Variants in TXNDC11 observed in about 807,000 individuals in gnomAD.
TXNDC11 encodes thioredoxin domain-containing protein 11.
Under a neutral mutation model 78.0 loss-of-function variants are expected in TXNDC11, and 68 were observed. The observed-to-expected ratio is 0.87, with a 90% CI of 0.72 to 1.07. The LOEUF (loss-of-function observed/expected upper bound fraction) is 1.07, where lower values mean the gene tolerates loss of function less well. Among genes scored for constraint, TXNDC11 ranks in the 50% least tolerant of loss-of-function variants. The pLI, the probability that TXNDC11 is intolerant of heterozygous loss-of-function variation, is 0.00. For missense variants in TXNDC11, 1,389 were observed against 1,221.8 expected, an observed-to-expected ratio of 1.14 and a Z score of -2.04; for synonymous variants, 571 against 495.2, an observed-to-expected ratio of 1.15 and a Z score of -2.03.
At chr16:11,736,277 T>G (rs775235081) in intron 1 of TXNDC11, 44 bp from the exon 2 acceptor site, 13 of 1,437,866 alleles carry the variant, frequency 9.0e-6, no homozygotes, top group South Asian at 7.3e-5. Flanking sequence ...GTTTATCTTC[T>G]TCTAAAAATA....
intron 8 of TXNDC11, chr16:11,690,935 C>T (rs899220816): frequency 3.6e-6 from 1 of 274,416 alleles, no homozygotes; most frequent in South Asian, 4.4e-5. Context: ...GGACATCCCA[C>T]CAGAATAGCT....
intron 1 of TXNDC11, among the ~76,000 whole-genome samples, chr16:11,736,859 T>C (rs927156995): frequency 6.6e-6 from 1 of 152,100 alleles, no homozygotes; most frequent in African/African-American, 2.4e-5. Flanking sequence ...TTTTGAACAC[T>C]TGAGCTTCCC....
rs567767392 is a variant in TXNDC11 at position 11,721,525 on chromosome 16, T to G, written c.793+52A>C. The G allele has an allele frequency of 1.7e-5, 16 of 957,412 alleles. No homozygotes were observed. The South Asian group carries it at 1.8e-4, about 11-fold the overall frequency. The allele number at this position is 957,412 out of a possible 1,614,324, so 59.3% of individuals were successfully genotyped here. A position where few individuals can be genotyped will look rare whatever the true frequency, so the allele number is the denominator to read the frequency against. ...TTCATAATAACACATGGAAAAGATG[T>G]AAGTAACAATTCTACTGAAGTAACA... On this transcript the variant is annotated intron_variant, in intron 5 of 11. Coordinates refer to ENST00000283033, the MANE Select transcript of TXNDC11 (RefSeq NM_015914.7).
chr16:11,734,917 A>G (rs1401916559), intron 2 of TXNDC11, among the ~76,000 whole-genome samples: 1 of 152,178 alleles, frequency 6.6e-6, no homozygotes, highest in Non-Finnish European at 1.5e-5. Context: ...TACGTAGGGC[A>G]GGGGTGTTGG....
chr16:11,698,004 CAGCTGCCCCTCGTGGCAGCCATT>C, intron 7 of TXNDC11, 98 bp downstream of exon 7: 4 of 924,832 alleles, frequency 4.3e-6, no homozygotes, highest in East Asian at 2.4e-5. Flanking sequence ...CTCAGAGCCA[CAGCTGCCCCTCGTGGCAGCCATT>C]AGCTGCCAGA....
At chr16:11,701,312 T>C (rs1469678162) in intron 5 of TXNDC11, among the ~76,000 whole-genome samples, 1 of 151,882 alleles carries the variant, frequency 6.6e-6, no homozygotes, top group East Asian at 1.9e-4. Flanking sequence ...AATTTTTGTA[T>C]TTTTAGTAGA....
intron 4 of TXNDC11, among the ~76,000 whole-genome samples, chr16:11,726,770 G>T (rs1282764626): frequency 6.6e-6 from 1 of 151,922 alleles, no homozygotes; most frequent in South Asian, 2.1e-4. Flanking sequence ...AAAATTTTAC[G>T]TCAGCGGGGC....
chr16:11,730,555 G>A, intron 4 of TXNDC11, 90 bp downstream of exon 4: 1 of 1,363,526 alleles, frequency 7.3e-7, no homozygotes, highest in South Asian at 1.4e-5. Flanking sequence ...AATTCAGGAG[G>A]TATTTTTTTA....
chr16:11,718,194 T>C (rs992797878), intron 5 of TXNDC11, among the ~76,000 whole-genome samples: 4 of 152,180 alleles, frequency 2.6e-5, no homozygotes, highest in African/African-American at 4.8e-5. Context: ...TCGCAAATTA[T>C]TTATGCACTG....
chr16:11,710,853 G>C (rs1157407712), intron 5 of TXNDC11, among the ~76,000 whole-genome samples: 1 of 152,112 alleles, frequency 6.6e-6, no homozygotes, highest in African/African-American at 2.4e-5. Context: ...AATGACTTCA[G>C]GACTCATTGG....
intron 7 of TXNDC11, among the ~76,000 whole-genome samples, chr16:11,695,965 G>T (rs2050846979): frequency 6.6e-6 from 1 of 151,580 alleles, no homozygotes; most frequent in South Asian, 2.1e-4. Flanking sequence ...AGCTCAGGAG[G>T]CAGTGAGCCG....
chr16:11,727,791 C>T (rs1249749852), intron 4 of TXNDC11, among the ~76,000 whole-genome samples: 1 of 152,044 alleles, frequency 6.6e-6, no homozygotes, highest in Non-Finnish European at 1.5e-5. Flanking sequence ...TTTGAGAGCC[C>T]CATGATAAAA....
intron 5 of TXNDC11, among the ~76,000 whole-genome samples, chr16:11,701,490 T>C (rs1322185439): frequency 6.6e-6 from 1 of 152,144 alleles, no homozygotes; most frequent in East Asian, 1.9e-4. Flanking sequence ...TGTTTCATGC[T>C]AGTATCCCAG....
Position 11,721,603 on chromosome 16 carries a change from G to T in TXNDC11, c.767C>A (p.Thr256Asn), listed in dbSNP as rs185206516. The T allele has an allele frequency of 6.2e-7, 1 of 1,610,258 alleles. No homozygotes were observed. Among genetic ancestry groups the T allele is most frequent in the Non-Finnish European group, 8.5e-7 (1 of 1,177,184 alleles). The change falls in exon 5 of 12, where the codon ACC (threonine) becomes AAC (asparagine). Residue 256 changes from threonine to asparagine, a missense_variant. Coordinates refer to ENST00000283033, the MANE Select transcript of TXNDC11 (RefSeq NM_015914.7). ...TTTCTTTAATGAATGTAATGCTGAGGTGAAGAAGGTCAAATAACCAGGAGG... is the reference window on the plus strand; with the variant it reads ...TTTCTTTAATGAATGTAATGCTGAGTTGAAGAAGGTCAAATAACCAGGAGG... The part of the protein sequence containing the change: ...PQPPGYLTFF[T>N]SALHSLKKDY...
chr16:11,729,885 C>T (rs2141109532), intron 4 of TXNDC11, among the ~76,000 whole-genome samples: 1 of 152,060 alleles, frequency 6.6e-6, no homozygotes. Context: ...CACTTGAGGC[C>T]CAGAGTTCAA....
intron 9 of TXNDC11, 31 bp from the exon 10 acceptor site, chr16:11,687,997 C>T (rs759593114): frequency 5.3e-6 from 8 of 1,510,506 alleles, no homozygotes; most frequent in Non-Finnish European, 6.4e-6. Context: ...ATGTTACTTG[C>T]ACCGGGAAAT....
intron 4 of TXNDC11, among the ~76,000 whole-genome samples, chr16:11,725,407 T>C (rs758060256): frequency 6.6e-6 from 1 of 151,216 alleles, no homozygotes; most frequent in African/African-American, 2.4e-5. Flanking sequence ...ATCGTCAAAA[T>C]GTTCTACCAT....
chr16:11,683,748 C>CTT (rs36114425), intron 11 of TXNDC11, among the ~76,000 whole-genome samples: 90 of 109,326 alleles, frequency 8.2e-4, no homozygotes, highest in African/African-American at 1.9e-3. Context: ...CCTAAGGACA[C>CTT]TTTTTTTTTT....
intron 2 of TXNDC11, among the ~76,000 whole-genome samples, 168 bp downstream of exon 2, chr16:11,735,849 A>T (rs906820380): frequency 6.6e-6 from 1 of 152,168 alleles, no homozygotes; most frequent in Non-Finnish European, 1.5e-5. Flanking sequence ...AATCGCCACA[A>T]TTGGAAATCC....
Sources: gnomAD v4.1 joint callset for allele counts (sites outside exome capture counted in the v4.1 genomes callset) on GRCh38, gnomAD v4.1.1 for gene constraint, MANE v1.5 for transcripts, NCBI Gene and HGNC (gene_info 2026-07-23, HGNC 2026-07-21) for gene names.